DOCK2: variants seen among roughly 807,000 people sequenced by gnomAD.
DOCK2 encodes dedicator of cytokinesis protein 2.
DOCK2 carries 87 observed loss-of-function variants against 248.9 expected under a neutral mutation model. That is an observed-to-expected ratio of 0.35 (90% CI 0.29 to 0.42). The LOEUF (loss-of-function observed/expected upper bound fraction) is 0.42. DOCK2 is among the 10% of genes least tolerant of loss of function. The pLI is 1.00. For missense variants in DOCK2, 1,747 were observed against 2,300.2 expected, an observed-to-expected ratio of 0.76 and a Z score of 4.92; for synonymous variants, 805 against 821.6, an observed-to-expected ratio of 0.98 and a Z score of 0.35.
At chr5:169,660,981 A>T (rs1758416452) in intron 2 of DOCK2, among the ~76,000 whole-genome samples, 1 of 152,220 alleles carries the variant, frequency 6.6e-6, no homozygotes, top group Non-Finnish European at 1.5e-5. Context: ...TGCAAAAAAA[A>T]AATGATATTA....
At chr5:169,925,381 A>T (rs1316134008) in intron 27 of DOCK2, among the ~76,000 whole-genome samples, 1 of 152,200 alleles carries the variant, frequency 6.6e-6, no homozygotes, top group South Asian at 2.1e-4. Flanking sequence ...GGCGTTAAAG[A>T]CCAGCCTGGC....
intron 22 of DOCK2, among the ~76,000 whole-genome samples, chr5:169,729,472 C>A (rs527548328): frequency 4.6e-5 from 7 of 152,308 alleles, no homozygotes; most frequent in African/African-American, 1.7e-4. Context: ...GGCCCCTCTA[C>A]CTGGCAGATC....
intron 1 of DOCK2, 26 bp from the exon 2 acceptor site, chr5:169,654,377 T>C (rs778300082): frequency 1.2e-6 from 2 of 1,613,390 alleles, no homozygotes; most frequent in East Asian, 2.2e-5. Flanking sequence ...AGGTCTCACC[T>C]AGCTGTCTTT....
In DOCK2 at chr5:169,700,114, G is replaced by A; in HGVS notation, c.1233G>A (p.Leu411=). The change falls in exon 13 of 52, where the codon CTG becomes CTA. Residue 411 remains leucine (L), a synonymous_variant. Coordinates refer to ENST00000520908, the MANE Select transcript of DOCK2 (RefSeq NM_004946.3). ...GGACCACCGTGGTGGCCAGGAAGCT[G>A]GGATTCCCAGAGATCATCATGCCAG... The part of the protein sequence containing the change: ...VDRTTVVARK[L]GFPEIIMPGD... 6.2e-7 allele frequency: 1 copy of A among 1,613,856 alleles called. No individual in the cohort carries two copies. Among genetic ancestry groups the A allele is most frequent in the Non-Finnish European group, 8.5e-7 (1 of 1,179,840 alleles).
intron 27 of DOCK2, among the ~76,000 whole-genome samples, chr5:169,854,190 T>C (rs1770775807): frequency 9.0e-6 from 1 of 111,344 alleles, no homozygotes; most frequent in South Asian, 3.3e-4. Flanking sequence ...ACTGAAACAT[T>C]TTTTTTTTTT....
At chr5:169,690,124 G>A (rs1760207147) in intron 9 of DOCK2, among the ~76,000 whole-genome samples, 1 of 151,070 alleles carries the variant, frequency 6.6e-6, no homozygotes, top group South Asian at 2.1e-4. Context: ...CACCATCTCG[G>A]CTCTCAAGGA....
intron 40 of DOCK2, 130 bp from the exon 41 acceptor site, chr5:170,050,126 A>C (rs2113852363): frequency 8.1e-7 from 1 of 1,236,692 alleles, no homozygotes; most frequent in Non-Finnish European, 1.1e-6. Context: ...CCCTGTGGGG[A>C]AACCAAGAGG....
chr5:169,681,427 ATT>A (rs35535700), intron 6 of DOCK2, among the ~76,000 whole-genome samples: 4 of 138,128 alleles, frequency 2.9e-5, no homozygotes, highest in Non-Finnish European at 6.3e-5. Flanking sequence ...CCCAGCTAAC[ATT>A]TTTTTTTTTT....
At chr5:169,940,392 A>T (rs1473006567) in intron 27 of DOCK2, among the ~76,000 whole-genome samples, 2 of 152,156 alleles carry the variant, frequency 1.3e-5, no homozygotes, top group African/African-American at 4.8e-5. Context: ...CCTTTTTGGC[A>T]CCAGGGACCA....
chr5:169,868,051 A>G (rs1326293537), intron 27 of DOCK2, among the ~76,000 whole-genome samples: 4 of 152,288 alleles, frequency 2.6e-5, no homozygotes, highest in East Asian at 1.9e-4. Context: ...TTCATCATAG[A>G]GTACCAGATA....
intron 27 of DOCK2, among the ~76,000 whole-genome samples, chr5:169,863,911 G>A (rs1479024153): frequency 1.3e-5 from 2 of 152,164 alleles, no homozygotes; most frequent in East Asian, 1.9e-4. Context: ...TATGAACCCA[G>A]GATGGGAAGG....
intron 27 of DOCK2, among the ~76,000 whole-genome samples, chr5:169,925,301 C>A (rs1342654813): frequency 6.6e-6 from 1 of 152,098 alleles, no homozygotes; most frequent in South Asian, 2.1e-4. Context: ...CAGGTAAGAC[C>A]CTAGGACAGA....
At chr5:169,722,360 G>A (rs1022934602) in intron 22 of DOCK2, among the ~76,000 whole-genome samples, 1 of 152,178 alleles carries the variant, frequency 6.6e-6, no homozygotes, top group Non-Finnish European at 1.5e-5. Context: ...GAATCAGACT[G>A]CAGAGTTAGG....
chr5:169,805,216 CAAAAAA>C (rs1178136278), intron 26 of DOCK2, among the ~76,000 whole-genome samples: 1 of 70,688 alleles, frequency 1.4e-5, no homozygotes, highest in South Asian at 4.0e-4. Context: ...TCTGTCTCTA[CAAAAAA>C]AAAAAAAAAA....
intron 1 of DOCK2, among the ~76,000 whole-genome samples, chr5:169,652,607 A>G (rs974457809): frequency 2.6e-5 from 4 of 152,216 alleles, no homozygotes; most frequent in Non-Finnish European, 5.9e-5. Flanking sequence ...TGAGGCAGAG[A>G]GGTGAAGTCA....
intron 25 of DOCK2, among the ~76,000 whole-genome samples, chr5:169,789,154 C>G (rs945847884): frequency 6.6e-6 from 1 of 152,180 alleles, no homozygotes; most frequent in East Asian, 1.9e-4. Context: ...CATCCATGTC[C>G]CTGTCTCCAC....
At position 169,763,983 on chromosome 5, in the gene DOCK2, T is replaced by A. The variant is rs985128041; in HGVS notation, c.2554+2358T>A. 6.6e-6 allele frequency among the ~76,000 whole-genome samples: 1 copy of A among 152,218 alleles called. No individual in the cohort carries two copies. Among genetic ancestry groups the A allele is most frequent in the Non-Finnish European group, 1.5e-5 (1 of 68,040 alleles). ...GGAAACTTCAGCTCATCCCCTTTCT[T>A]AAATCCTCAAGTTCCCAATGAATAA... is the stretch of plus-strand genomic sequence containing the variant. On this transcript the variant is annotated intron_variant, in intron 25 of 51. Transcript: ENST00000520908. This position sits in a 1 kb window ranked among gnomAD's most constrained non-coding sequence, Gnocchi z 4.1.
At chr5:169,788,497 A>G (rs1393354061) in intron 25 of DOCK2, among the ~76,000 whole-genome samples, 3 of 152,180 alleles carry the variant, frequency 2.0e-5, no homozygotes, top group African/African-American at 7.2e-5. Flanking sequence ...TAACATTAAA[A>G]CACAATATGA....
intron 15 of DOCK2, among the ~76,000 whole-genome samples, chr5:169,710,217 C>A (rs1761499193): frequency 6.6e-6 from 1 of 152,136 alleles, no homozygotes; most frequent in Non-Finnish European, 1.5e-5. Flanking sequence ...TCTGAAATGA[C>A]CCCCTAGCAT....
Sources: gnomAD v4.1 joint callset for allele counts (sites outside exome capture counted in the v4.1 genomes callset) on GRCh38, gnomAD v4.1.1 for gene constraint, Gnocchi (gnomAD v3.1) non-coding constraint, MANE v1.5 for transcripts, NCBI Gene and HGNC (gene_info 2026-07-23, HGNC 2026-07-21) for gene names.